IZUMO3: variants seen among roughly 807,000 people sequenced by gnomAD.
IZUMO3 encodes IZUMO family member 3.
A neutral mutation model predicts 28.4 loss-of-function variants in IZUMO3; 36 were observed. The ratio of observed to expected loss-of-function variants is 1.27; its 90% CI spans 0.97 to 1.67. The LOEUF (loss-of-function observed/expected upper bound fraction) is 1.67, where lower values mean the gene tolerates loss of function less well. Among genes scored for constraint, IZUMO3 ranks in the 40% most tolerant of loss-of-function variants. IZUMO3 has a pLI of 0.00. For missense variants in IZUMO3, 387 were observed against 278.5 expected (o/e 1.39, Z -2.77); for synonymous variants, 126 against 99.2 (o/e 1.27, Z -1.61).
At position 24,545,727 on chromosome 9, in the gene IZUMO3, C is replaced by T. The variant is rs867642016; in HGVS notation, c.-78G>A. On this transcript the variant is annotated 5_prime_UTR_variant, in exon 1 of 7. Coordinates refer to ENST00000543880, the MANE Select transcript of IZUMO3 (RefSeq NM_001365008.2). ...CTTAGTTCCTTTTCCTTCAAAAATC[C>T]GGGAATGAGAGCCTGGTTCTGGATA... 46 of 1,532,758 alleles carry T rather than the reference C, an allele frequency of 3.0e-5. No homozygotes were observed. In the Middle Eastern group the frequency reaches 1.3e-3, roughly 43 times the overall value. 94.9% of individuals were successfully genotyped at this position (1,532,758 alleles called of 1,614,324 possible).
chr9:24,543,471 T>A (rs1394921117), intron 6 of IZUMO3, 104 bp from the exon 7 acceptor site: 1 of 826,336 alleles, frequency 1.2e-6, no homozygotes, highest in African/African-American at 2.0e-5. Context: ...TTTTTTTTTT[T>A]TGCTGGATAC....
In IZUMO3 at chr9:24,545,455, G is replaced by A. The variant is rs989780315; in HGVS notation, c.195C>T (p.Val65=). 1.9e-5 allele frequency: 29 copies of A among 1,537,130 alleles called. No homozygotes were observed. The highest frequency in any genetic ancestry group is 2.7e-5 in the African/African-American group (2 of 73,024). ...CCCGAAGCCTCTTGTCACTGTGGGAGACCTTGAAGCTTAAATGAATCATCT... is the reference window on the plus strand; with the variant it reads ...CCCGAAGCCTCTTGTCACTGTGGGAAACCTTGAAGCTTAAATGAATCATCT... ...IKEMIHLSFK[V]SHSDKRLRVL... Residue 65 remains valine, a synonymous_variant, in exon 1 of 7, where the codon GTC becomes GTT. Transcript: ENST00000543880.
intron 5 of IZUMO3, 68 bp from the exon 6 acceptor site, chr9:24,543,822 C>A: frequency 9.4e-7 from 1 of 1,064,902 alleles, no homozygotes; most frequent in South Asian, 1.4e-5. Flanking sequence ...GACATTTATT[C>A]AGAATAGAAA....
Position 24,543,255 on chromosome 9 carries a change from C to G in IZUMO3, c.694G>C (p.Glu232Gln). Residue 232 changes from glutamate to glutamine, a missense_variant, in exon 7 of 7, where the codon GAG (glutamate) becomes CAG (glutamine). Transcript: ENST00000543880. Reference protein sequence around the residue: ...ELMGKIDEKEEKDFRLRK With the variant: ...ELMGKIDEKEQKDFRLRK Reference sequence around the variant, plus strand: ...TATTTTCTGAGTCTAAAGTCTTTCTCCTCCTTCTCATCTATCTTCCCCATT... The same window carrying G: ...TATTTTCTGAGTCTAAAGTCTTTCTGCTCCTTCTCATCTATCTTCCCCATT... 1 of 1,545,266 alleles carries G rather than the reference C, an allele frequency of 6.5e-7. No individual in the cohort carries two copies. Among genetic ancestry groups the G allele is most frequent in the Non-Finnish European group, 8.7e-7 (1 of 1,144,114 alleles).
At chr9:24,544,784 AATG>A (rs1407712240) in intron 3 of IZUMO3, 24 bp from the exon 4 acceptor site, 2 of 1,549,064 alleles carry the variant, frequency 1.3e-6, no homozygotes, top group African/African-American at 2.7e-5. Flanking sequence ...AGAAAGTTCT[AATG>A]AGTTTAAAAC....
chr9:24,545,732 A>T lies in IZUMO3; in HGVS notation c.-83T>A. 1 of 1,534,038 alleles carries T rather than the reference A, an allele frequency of 6.5e-7. No individual in the cohort carries two copies. Among genetic ancestry groups the T allele is most frequent in the Non-Finnish European group, 8.8e-7 (1 of 1,142,178 alleles). ...TTCCTTTTCCTTCAAAAATCCGGGA[A>T]TGAGAGCCTGGTTCTGGATAGTCTG... On this transcript the variant is annotated 5_prime_UTR_variant, in exon 1 of 7. Coordinates refer to ENST00000543880, the MANE Select transcript of IZUMO3 (RefSeq NM_001365008.2).
intron 5 of IZUMO3, 66 bp from the exon 6 acceptor site, chr9:24,543,820 T>C (rs1415908507): frequency 5.6e-6 from 6 of 1,075,048 alleles, no homozygotes; most frequent in South Asian, 1.3e-5. Flanking sequence ...GTGACATTTA[T>C]TCAGAATAGA....
At position 24,545,546 on chromosome 9, in the gene IZUMO3, A is replaced by C. The variant is rs1819573103; in HGVS notation, c.104T>G (p.Leu35Trp). The C allele has an allele frequency of 6.5e-7, 1 of 1,535,374 alleles. No individual in the cohort carries two copies. The highest frequency in any genetic ancestry group is 8.7e-7 in the Non-Finnish European group (1 of 1,146,710). The change falls in exon 1 of 7, where the codon TTG becomes TGG. Residue 35 changes from leucine to tryptophan, a missense_variant. Transcript: ENST00000543880. ...DPKFIEDVGSLLGNLIPSEVP... is the reference protein window; with the variant it reads ...DPKFIEDVGSWLGNLIPSEVP... ...TTCTGAAGGTATCAGATTTCCCAGC[A>C]AGGAGCCAACATCCTCTATAAATTT... is the stretch of plus-strand genomic sequence containing the variant.
At position 24,545,896 on chromosome 9, in the gene IZUMO3, C is replaced by T. The variant is rs954796479; in HGVS notation, c.-247G>A. ...CAGCTGGGGAGCGGATACCTGAGTT[C>T]TGAGTGTAGAACACCAAGAGATAGA... is the stretch of plus-strand genomic sequence containing the variant. On this transcript the variant is annotated 5_prime_UTR_variant, in exon 1 of 7. Coordinates refer to ENST00000543880, the MANE Select transcript of IZUMO3 (RefSeq NM_001365008.2). 6.8e-7 allele frequency: 1 copy of T among 1,480,512 alleles called. No homozygotes were observed. The highest frequency in any genetic ancestry group is 9.1e-7 in the Non-Finnish European group (1 of 1,103,506). 91.7% of individuals were successfully genotyped at this position (1,480,512 alleles called of 1,614,324 possible).
At chr9:24,544,511 TG>T (rs1411458749) in intron 4 of IZUMO3, among the ~76,000 whole-genome samples, 3 of 152,112 alleles carry the variant, frequency 2.0e-5, no homozygotes, top group Non-Finnish European at 4.4e-5. Flanking sequence ...ACTGGGGCAA[TG>T]GGTTGTAAAC....
At position 24,545,826 on chromosome 9, in the gene IZUMO3, A is replaced by G; in HGVS notation, c.-177T>C. On this transcript the variant is annotated 5_prime_UTR_variant, in exon 1 of 7. Transcript: ENST00000543880. ...TTAGTTGTTTAGTTTAATGATCTTTAGTTGTTTACTGACTATTATCCTTCA... is the reference window on the plus strand; with the variant it reads ...TTAGTTGTTTAGTTTAATGATCTTTGGTTGTTTACTGACTATTATCCTTCA... 6.5e-7 allele frequency: 1 copy of G among 1,542,908 alleles called. No individual in the cohort carries two copies. Among genetic ancestry groups the G allele is most frequent in the Admixed American group, 2.0e-5 (1 of 50,384 alleles).
chr9:24,544,345 C>A lies in IZUMO3; in HGVS notation c.410-64G>T, dbSNP rs962945806. ...ATGGCACGAGGGTTCCTTAGTCATA[C>A]ATCAAGTGTGGAGGATTTGATCTCA... On this transcript the variant is annotated intron_variant, in intron 4 of 6. Transcript: ENST00000543880. 5.1e-5 allele frequency: 57 copies of A among 1,123,726 alleles called. No individual in the cohort carries two copies. In the African/African-American group the frequency reaches 8.2e-4, roughly 16 times the overall value. 69.6% of individuals were successfully genotyped at this position (1,123,726 alleles called of 1,614,324 possible).
intron 6 of IZUMO3, 124 bp downstream of exon 6, chr9:24,543,540 C>A: frequency 1.5e-6 from 1 of 684,758 alleles, no homozygotes; most frequent in Non-Finnish European, 2.1e-6. Context: ...TTATTCCTTT[C>A]AGTATCCCAG....
At position 24,543,171 on chromosome 9, in the gene IZUMO3, G is replaced by C. The variant is rs147958576; in HGVS notation, c.*58C>G. 344 of 1,384,274 alleles carry C rather than the reference G, an allele frequency of 2.5e-4. 1 individual carries two copies. Among genetic ancestry groups the C allele is most frequent in the Non-Finnish European group, 3.1e-4 (325 of 1,038,280 alleles). The allele number at this position is 1,384,274 out of a possible 1,614,324, so 85.7% of individuals were successfully genotyped here. On this transcript the variant is annotated 3_prime_UTR_variant, in exon 7 of 7. Coordinates refer to ENST00000543880, the MANE Select transcript of IZUMO3 (RefSeq NM_001365008.2). The stretch of plus-strand genomic sequence containing the variant: ...AAGAAAGGGTTTACCTCCCAGTTTT[G>C]TACTTAGAGTCAACACTTAAGAGAA...
At chr9:24,544,150 C>T (rs1819525622) in intron 5 of IZUMO3, 51 bp downstream of exon 5, 5 of 1,253,056 alleles carry the variant, frequency 4.0e-6, no homozygotes, top group Non-Finnish European at 5.7e-6. Flanking sequence ...GTGAGCAACC[C>T]TGCTCCTTAA....
At chr9:24,544,328 A>C in intron 4 of IZUMO3, 47 bp from the exon 5 acceptor site, 1 of 1,304,916 alleles carries the variant, frequency 7.7e-7, no homozygotes, top group Non-Finnish European at 1.1e-6. Flanking sequence ...GCATGGCACG[A>C]GGGTTCCTTA....
chr9:24,543,438 G>GTATTTTT (rs1819500204), intron 6 of IZUMO3, 71 bp from the exon 7 acceptor site: 1 of 35,800 alleles, frequency 2.8e-5, no homozygotes, highest in Non-Finnish European at 4.5e-5. Flanking sequence ...GTTATACATT[G>GTATTTTT]TTTTTTTTTT....
rs565287061 is a variant in IZUMO3 at position 24,545,479 on chromosome 9, C to G, written c.171G>C (p.Glu57Asp). 5.5e-5 allele frequency: 84 copies of G among 1,535,836 alleles called. 1 individual carries two copies. The South Asian group carries it at 9.2e-4, about 17-fold the overall frequency. The change falls in exon 1 of 7, where the codon GAG becomes GAC. Residue 57 changes from glutamate to aspartate, a missense_variant. By Grantham distance (45) the Glu-to-Asp change is conservative (BLOSUM62 2). Transcript: ENST00000543880. ...RTQLLERQIK[E>D]MIHLSFKVSH... Reference sequence around the variant, plus strand: ...AGACCTTGAAGCTTAAATGAATCATCTCCTTAATCTGCCGTTCAAGCAGCT... The same window carrying G: ...AGACCTTGAAGCTTAAATGAATCATGTCCTTAATCTGCCGTTCAAGCAGCT...
rs750089308 is a variant in IZUMO3, at chr9:24,543,226, T to C, written c.*3A>G. 2.6e-5 allele frequency: 40 copies of C among 1,540,628 alleles called. No individual in the cohort carries two copies. In the Middle Eastern group the frequency reaches 3.0e-3, roughly 116 times the overall value. Reference sequence around the variant, plus strand: ...GAAAGACTTCTTGTCCATGTTGATGTGTTTATTTTCTGAGTCTAAAGTCTT... The same window carrying C: ...GAAAGACTTCTTGTCCATGTTGATGCGTTTATTTTCTGAGTCTAAAGTCTT... On this transcript the variant is annotated 3_prime_UTR_variant, in exon 7 of 7. Transcript: ENST00000543880.
Sources: gnomAD v4.1 joint callset for allele counts (sites outside exome capture counted in the v4.1 genomes callset) on GRCh38, gnomAD v4.1.1 for gene constraint, MANE v1.5 for transcripts, NCBI Gene and HGNC (gene_info 2026-07-23, HGNC 2026-07-21) for gene names.